Variants in MAPRE2 observed in about 807,000 individuals in gnomAD.
MAPRE2 encodes microtubule associated protein RP/EB family member 2, also known as microtubule-associated protein RP/EB family member 2.
MAPRE2 carries 13 observed loss-of-function variants against 43.2 expected under a neutral mutation model. That is an observed-to-expected ratio of 0.30 (90% confidence interval 0.20 to 0.48). The LOEUF is 0.48. Ranked by LOEUF, MAPRE2 falls within the 20% of genes least tolerant of loss-of-function variation. The pLI is 0.99. For synonymous variants in MAPRE2, 135 were observed against 148.8 expected, an observed-to-expected ratio of 0.91 and a Z score of 0.68; for missense variants, 161 against 400.2, an observed-to-expected ratio of 0.40 and a Z score of 5.10.
In MAPRE2 at chr18:35,053,380, C is replaced by T. The variant is rs55857003; in HGVS notation, c.122+11719C>T. Among the ~76,000 whole-genome samples, 411 of 151,552 alleles carry T rather than the reference C, an allele frequency of 2.7e-3. 3 individuals are homozygous for T. The highest frequency in any genetic ancestry group is 9.6e-3 in the African/African-American group (398 of 41,286). ...CTGCACTCCAGGCTAGGCAACAGAG[C>T]GAGACTCCATCTCATAAAAAATAAA... is the stretch of plus-strand genomic sequence containing the variant. On this transcript the variant is annotated intron_variant, in intron 1 of 6. Transcript: ENST00000300249.
chr18:35,002,357 G>C (rs1603388783), intron 1 of MAPRE2, among the ~76,000 whole-genome samples: 1 of 152,162 alleles, frequency 6.6e-6, no homozygotes, highest in Non-Finnish European at 1.5e-5. Context: ...AGATACCTGG[G>C]TGGTTTCCAG....
intron 6 of MAPRE2, among the ~76,000 whole-genome samples, chr18:35,132,875 AC>A (rs146883330): frequency 0.013 from 1,940 of 152,320 alleles, 38 homozygotes; most frequent in African/African-American, 0.045. Context: ...CATGGCAGAG[AC>A]TGAGGCAAGG....
At position 35,066,768 on chromosome 18, in the gene MAPRE2, T is replaced by C. The variant is rs138005295; in HGVS notation, c.123-3427T>C. Among the ~76,000 whole-genome samples the C allele has an allele frequency of 7.3e-3, 1,112 of 152,314 alleles. 14 individuals carry two copies. The highest frequency in any genetic ancestry group is 0.026 in the African/African-American group (1,068 of 41,564). On this transcript the variant is annotated intron_variant, in intron 1 of 6. Transcript: ENST00000300249. ...GAAAGTGAGTCCAGACTCAGAACTC[T>C]CAGGCCTAAAATCGGAAAAGCTGGC... is the stretch of plus-strand genomic sequence containing the variant.
At chr18:35,079,321 T>TA (rs373251875) in intron 2 of MAPRE2, among the ~76,000 whole-genome samples, 8 of 152,338 alleles carry the variant, frequency 5.3e-5, no homozygotes, top group African/African-American at 1.9e-4. Context: ...AGGATTTACT[T>TA]ATCAAGTTAT....
chr18:34,987,319 A>C (rs973229420), intron 1 of MAPRE2, among the ~76,000 whole-genome samples: 1 of 152,220 alleles, frequency 6.6e-6, no homozygotes, highest in Non-Finnish European at 1.5e-5. Flanking sequence ...TAGATGAGGC[A>C]TCAGCATCAC....
chr18:34,981,477 A>G (rs897983960), intron 1 of MAPRE2, among the ~76,000 whole-genome samples: 2 of 152,212 alleles, frequency 1.3e-5, no homozygotes, highest in Non-Finnish European at 2.9e-5. Context: ...ACAAGTAGCT[A>G]AAAGGGGTAG....
chr18:34,995,807 T>A (rs1298122536), intron 1 of MAPRE2, among the ~76,000 whole-genome samples: 1 of 152,188 alleles, frequency 6.6e-6, no homozygotes. Context: ...ACCAAGCGCA[T>A]GTTAATCTGT....
chr18:35,071,832 C>G (rs527789), intron 2 of MAPRE2, among the ~76,000 whole-genome samples: 45,674 of 151,992 alleles, frequency 0.3, 8,591 homozygotes, highest in East Asian at 0.56. Flanking sequence ...TCATTTTTCC[C>G]ACGAGGAAGA....
chr18:35,130,115 G>A (rs116634143), intron 5 of MAPRE2, among the ~76,000 whole-genome samples: 1,925 of 151,914 alleles, frequency 0.013, 40 homozygotes, highest in African/African-American at 0.044. Context: ...ACCTATTTTC[G>A]TGGGTTGGAT....
intron 4 of MAPRE2, among the ~76,000 whole-genome samples, chr18:35,106,731 C>T (rs1375312035): frequency 6.6e-6 from 1 of 152,082 alleles, no homozygotes; most frequent in Non-Finnish European, 1.5e-5. Context: ...CTGTAACAAG[C>T]TTACTGCATA....
intron 2 of MAPRE2, among the ~76,000 whole-genome samples, chr18:35,071,672 G>T (rs1193085664): frequency 1.3e-5 from 2 of 152,176 alleles, no homozygotes; most frequent in Non-Finnish European, 2.9e-5. Context: ...AGTGCAGTTA[G>T]AATTTCAAAA....
chr18:34,984,075 A>C (rs1227698251), intron 1 of MAPRE2, among the ~76,000 whole-genome samples: 1 of 152,232 alleles, frequency 6.6e-6, no homozygotes, highest in Non-Finnish European at 1.5e-5. Context: ...TTTTGTTTAA[A>C]ATTTCCAAAT....
At chr18:35,134,343 A>C (rs1910293126) in intron 6 of MAPRE2, among the ~76,000 whole-genome samples, 1 of 152,234 alleles carries the variant, frequency 6.6e-6, no homozygotes, top group South Asian at 2.1e-4. Flanking sequence ...AGTAATGGCT[A>C]ATACTGATTG....
intron 2 of MAPRE2, among the ~76,000 whole-genome samples, chr18:35,087,903 G>T (rs745890952): frequency 3.9e-5 from 6 of 152,134 alleles, no homozygotes; most frequent in Non-Finnish European, 8.8e-5. Flanking sequence ...CCAGCATCTG[G>T]CAAAGGTCTT....
chr18:34,983,463 T>C (rs1316929236), intron 1 of MAPRE2, among the ~76,000 whole-genome samples: 2 of 152,220 alleles, frequency 1.3e-5, no homozygotes, highest in Admixed American at 6.5e-5. Flanking sequence ...CAATGTTTTT[T>C]CAACCTGTGA....
intron 4 of MAPRE2, among the ~76,000 whole-genome samples, chr18:35,123,190 C>A (rs975480780): frequency 6.6e-6 from 1 of 152,198 alleles, no homozygotes; most frequent in African/African-American, 2.4e-5. Flanking sequence ...TACATCTTAT[C>A]AAACATTTCA....
At chr18:35,095,749 A>T (rs1463268790) in intron 2 of MAPRE2, among the ~76,000 whole-genome samples, 2 of 152,178 alleles carry the variant, frequency 1.3e-5, no homozygotes, top group Non-Finnish European at 1.5e-5. Context: ...AATTTGCTCC[A>T]TCTGGCGGTC....
chr18:34,985,344 T>TAA (rs1410308079), intron 1 of MAPRE2, among the ~76,000 whole-genome samples: 2 of 44,602 alleles, frequency 4.5e-5, no homozygotes, highest in East Asian at 1.2e-3. Context: ...ATATAATATA[T>TAA]TATATTATAT....
At chr18:34,985,122 A>C (rs1265947183) in intron 1 of MAPRE2, among the ~76,000 whole-genome samples, 1 of 85,922 alleles carries the variant, frequency 1.2e-5, no homozygotes, top group African/African-American at 4.8e-5. Context: ...TATATACTAT[A>C]TTATATATAA....
Sources: gnomAD v4.1 joint callset for allele counts (sites outside exome capture counted in the v4.1 genomes callset) on GRCh38, gnomAD v4.1.1 for gene constraint, MANE v1.5 for transcripts, NCBI Gene and HGNC (gene_info 2026-07-23, HGNC 2026-07-21) for gene names.